The following ISX variants were observed in gnomAD, a reference collection of about 807,000 sequenced individuals.
ISX encodes the protein intestine-specific homeobox.
ISX carries 15 observed loss-of-function variants against 16.9 expected under a neutral mutation model. The observed-to-expected ratio is 0.89, with a 90% confidence interval of 0.59 to 1.36. The LOEUF is 1.36. ISX is among the 40% of genes most tolerant of loss of function. The pLI is 0.00. For synonymous variants in ISX, 125 were observed against 119.7 expected, an observed-to-expected ratio of 1.04 and a Z score of -0.29; for missense variants, 316 against 306.1, an observed-to-expected ratio of 1.03 and a Z score of -0.24.
In ISX at chr22:35,085,908, C is replaced by T. The variant is rs879144207; in HGVS notation, c.*215C>T. On this transcript the variant is annotated 3_prime_UTR_variant, in exon 5 of 5. Transcript: ENST00000404699. Reference sequence around the variant, plus strand: ...CTCTCTTCTCTCCTGGCTAAAGCTGCTCTCCTGGTTCAGAAGACAGGCTGG... The same window carrying T: ...CTCTCTTCTCTCCTGGCTAAAGCTGTTCTCCTGGTTCAGAAGACAGGCTGG... 1.3e-5 allele frequency: 8 copies of T among 600,650 alleles called. 1 individual carries two copies. In the South Asian group the frequency reaches 1.6e-4, roughly 12 times the overall value. The allele number at this position is 600,650 out of a possible 1,614,324, so 37.2% of individuals were successfully genotyped here. A position where few individuals can be genotyped will look rare whatever the true frequency, so the allele number is the denominator to read the frequency against.
chr22:35,071,438 C>T (rs1292575225), intron 2 of ISX, among the ~76,000 whole-genome samples: 1 of 152,220 alleles, frequency 6.6e-6, no homozygotes, highest in Non-Finnish European at 1.5e-5. Context: ...CCATGCCTCT[C>T]TCGTAGTTTC....
chr22:35,084,374 T>G lies in ISX; in HGVS notation c.382-9T>G, dbSNP rs1012497257. Reference sequence around the variant, plus strand: ...CTTGCTTATCCCCGTCCTTTCTCCCTGATTACAGATCTGGTTCCAGAATCA... The same window carrying G: ...CTTGCTTATCCCCGTCCTTTCTCCCGGATTACAGATCTGGTTCCAGAATCA... On this transcript the variant is annotated splice_polypyrimidine_tract_variant and intron_variant, in intron 3 of 4. Transcript: ENST00000404699. 3 of 1,605,348 alleles carry G rather than the reference T, an allele frequency of 1.9e-6. No individual in the cohort carries two copies. The highest frequency in any genetic ancestry group is 2.7e-5 in the African/African-American group (2 of 74,734).
chr22:35,078,714 A>T lies in ISX; in HGVS notation c.230-3804A>T, dbSNP rs1046209664. Among the ~76,000 whole-genome samples, 6 of 152,368 alleles carry T rather than the reference A, an allele frequency of 3.9e-5. 1 individual carries two copies. In the South Asian group the frequency reaches 6.2e-4, roughly 16 times the overall value. On this transcript the variant is annotated intron_variant, in intron 2 of 4. Coordinates refer to ENST00000404699, the MANE Select transcript of ISX (RefSeq NM_001303508.2). ...ACAAAAATGAGGGCTAGTAGAAGGG[A>T]GTGAAAGCAAAAGCAAACTTGAAAT...
chr22:35,082,808 C>A, intron 3 of ISX, 139 bp downstream of exon 3: 3 of 818,542 alleles, frequency 3.7e-6, no homozygotes, highest in Non-Finnish European at 5.6e-6. Flanking sequence ...TCATTTTGGC[C>A]AAATATTATT....
At position 35,085,838 on chromosome 22, in the gene ISX, G is replaced by A. The variant is rs1929242787; in HGVS notation, c.*145G>A. 2.1e-6 allele frequency: 2 copies of A among 972,814 alleles called. No individual in the cohort carries two copies. The highest frequency in any genetic ancestry group is 3.1e-6 in the Non-Finnish European group (2 of 644,394). The allele number at this position is 972,814 out of a possible 1,614,324, so 60.3% of individuals were successfully genotyped here. A position where few individuals can be genotyped will look rare whatever the true frequency, so the allele number is the denominator to read the frequency against. On this transcript the variant is annotated 3_prime_UTR_variant, in exon 5 of 5. Coordinates refer to ENST00000404699, the MANE Select transcript of ISX (RefSeq NM_001303508.2). ...GAAGCTACCCTGAACATGCCAGTTG[G>A]AAGGCTGCACCAGACTCAAAAGCAA...
At chr22:35,083,775 G>C (rs2146295451) in intron 3 of ISX, among the ~76,000 whole-genome samples, 1 of 152,260 alleles carries the variant, frequency 6.6e-6, no homozygotes, top group East Asian at 1.9e-4. Flanking sequence ...TAGCTAAATG[G>C]GAAGCCCCTG....
intron 2 of ISX, among the ~76,000 whole-genome samples, chr22:35,078,801 C>T (rs1246284467): frequency 6.6e-6 from 1 of 152,262 alleles, no homozygotes; most frequent in Non-Finnish European, 1.5e-5. Context: ...CTCACTAGCC[C>T]TGTCCCTTTC....
intron 3 of ISX, among the ~76,000 whole-genome samples, chr22:35,083,645 G>C (rs1457451422): frequency 6.6e-6 from 1 of 152,172 alleles, no homozygotes; most frequent in East Asian, 1.9e-4. Flanking sequence ...AAATGTGATG[G>C]ACTCATTCTA....
intron 2 of ISX, among the ~76,000 whole-genome samples, chr22:35,075,297 A>G (rs1928953017): frequency 6.6e-6 from 1 of 152,270 alleles, no homozygotes; most frequent in African/African-American, 2.4e-5. Context: ...GGAGTCTAAA[A>G]TTCATGGAGC....
intron 2 of ISX, among the ~76,000 whole-genome samples, chr22:35,074,578 C>T (rs1928934338): frequency 6.6e-6 from 1 of 152,188 alleles, no homozygotes; most frequent in Non-Finnish European, 1.5e-5. Context: ...TTTGCAAAGC[C>T]CTGTGGCTTT....
intron 2 of ISX, among the ~76,000 whole-genome samples, chr22:35,079,955 G>A (rs186782246): frequency 4.6e-5 from 7 of 152,292 alleles, no homozygotes; most frequent in African/African-American, 1.7e-4. Flanking sequence ...TACAGGCAAT[G>A]CTGGTTGAGT....
intron 2 of ISX, among the ~76,000 whole-genome samples, chr22:35,071,741 G>A (rs1007000269): frequency 1.3e-5 from 2 of 152,176 alleles, no homozygotes; most frequent in African/African-American, 4.8e-5. Context: ...AGGAGACTGG[G>A]AGAAGCAGCA....
intron 2 of ISX, among the ~76,000 whole-genome samples, chr22:35,077,487 C>A (rs1017057050): frequency 3.3e-5 from 5 of 152,132 alleles, no homozygotes; most frequent in African/African-American, 4.8e-5. Flanking sequence ...CTATCTGTCT[C>A]TCCCAACACT....
At chr22:35,081,713 G>A (rs1392390838) in intron 2 of ISX, among the ~76,000 whole-genome samples, 2 of 152,212 alleles carry the variant, frequency 1.3e-5, no homozygotes, top group African/African-American at 4.8e-5. Flanking sequence ...CTAAGTCTCA[G>A]GGTGGGTCCC....
Position 35,085,952 on chromosome 22 carries a change from C to G in ISX, c.*259C>G. ...AGGCTGGATGAGATCTCAGGCCGAG[C>G]TCTGAAATAGGGAGGTAATCCTCCA... is the stretch of plus-strand genomic sequence containing the variant. On this transcript the variant is annotated 3_prime_UTR_variant, in exon 5 of 5. Transcript: ENST00000404699. 1 of 531,454 alleles carries G rather than the reference C, an allele frequency of 1.9e-6. No individual in the cohort carries two copies. The highest frequency in any genetic ancestry group is 2.1e-5 in the South Asian group (1 of 48,068). 32.9% of individuals were successfully genotyped at this position (531,454 alleles called of 1,614,324 possible). A position where few individuals can be genotyped will look rare whatever the true frequency, so the allele number is the denominator to read the frequency against.
chr22:35,084,438 TG>T lies in ISX; in HGVS notation c.442del (p.Ala148LeufsTer5). On this transcript the variant is annotated frameshift_variant, in exon 4 of 5. Coordinates refer to ENST00000404699, the MANE Select transcript of ISX (RefSeq NM_001303508.2). LOFTEE classifies it high-confidence loss of function. ...KWRKQEKIGN[L>X]GAPQQLSEAS... ...CGGAAGCAGGAGAAGATTGGCAACC[TG>T]GGGGCTCCACAGCAGCTGAGTGAAG... 1 of 1,613,794 alleles carries T rather than the reference TG, an allele frequency of 6.2e-7. No homozygotes were observed. Among genetic ancestry groups the T allele is most frequent in the Non-Finnish European group, 8.5e-7 (1 of 1,179,856 alleles).
intron 2 of ISX, among the ~76,000 whole-genome samples, chr22:35,074,054 C>T (rs534993174): frequency 6.6e-6 from 1 of 152,318 alleles, no homozygotes; most frequent in South Asian, 2.1e-4. Context: ...CAACCTTCAG[C>T]CGTGATGGGA....
At chr22:35,068,770 G>A (rs969754935) in intron 2 of ISX, among the ~76,000 whole-genome samples, 5 of 152,228 alleles carry the variant, frequency 3.3e-5, no homozygotes, top group African/African-American at 1.2e-4. Flanking sequence ...GTGCTGACCA[G>A]ACTAGCGGTG....
intron 2 of ISX, among the ~76,000 whole-genome samples, chr22:35,069,093 G>A (rs1928782829): frequency 6.6e-6 from 1 of 152,272 alleles, no homozygotes; most frequent in East Asian, 1.9e-4. Flanking sequence ...AGATAAAGAT[G>A]ATCTAGCTCA....
Sources: allele counts gnomAD v4.1 joint callset (sites outside exome capture counted in the v4.1 genomes callset), GRCh38; gene constraint gnomAD v4.1.1; transcripts MANE v1.5; gene names NCBI Gene and HGNC (gene_info 2026-07-23, HGNC 2026-07-21).